Variants in PTPRE observed in about 807,000 individuals in gnomAD.
PTPRE encodes the protein protein tyrosine phosphatase receptor type E.
A neutral mutation model predicts 102.0 loss-of-function variants in PTPRE; 51 were observed. The observed-to-expected ratio is 0.50, with a 90% confidence interval of 0.40 to 0.63. The LOEUF (loss-of-function observed/expected upper bound fraction) is 0.63. PTPRE is among the 30% of genes least tolerant of loss of function. PTPRE has a pLI of 0.00. For synonymous variants in PTPRE, 345 were observed against 348.2 expected, an observed-to-expected ratio of 0.99 and a Z score of 0.10; for missense variants, 752 against 915.1, an observed-to-expected ratio of 0.82 and a Z score of 2.30.
intron 3 of PTPRE, among the ~76,000 whole-genome samples, chr10:128,046,861 C>T (rs137941697): frequency 1.6e-3 from 246 of 152,240 alleles, no homozygotes; most frequent in Middle Eastern, 6.8e-3. Context: ...GCTGGGCACT[C>T]GGCCTCTGAC....
At position 128,008,642 on chromosome 10, in the gene PTPRE, C is replaced by G. The variant is rs1363861160; in HGVS notation, c.-8+26346C>G. On this transcript the variant is annotated intron_variant, in intron 2 of 20. Transcript: ENST00000254667. This position sits in a 1 kb window ranked among gnomAD's most constrained non-coding sequence, Gnocchi z 4.0. ...CCGACACACCTGGTCTTTCTCAACT[C>G]CTGCAAGTCACGTCTTCCCAGAATC... Among the ~76,000 whole-genome samples the G allele has an allele frequency of 6.6e-6, 1 of 152,184 alleles. No homozygotes were observed. Among genetic ancestry groups the G allele is most frequent in the Non-Finnish European group, 1.5e-5 (1 of 68,044 alleles).
intron 9 of PTPRE, 36 bp from the exon 10 acceptor site, chr10:128,063,047 A>C: frequency 6.2e-7 from 1 of 1,612,944 alleles, no homozygotes; most frequent in Non-Finnish European, 8.5e-7. Context: ...ACTTCCCTTC[A>C]TGCCTTTTGA....
chr10:128,029,190 C>T (rs1300426157), intron 2 of PTPRE, among the ~76,000 whole-genome samples: 3 of 152,126 alleles, frequency 2.0e-5, no homozygotes, highest in Admixed American at 6.5e-5. Context: ...GGGCTCAGGG[C>T]CCCAGCTGGG....
intron 11 of PTPRE, among the ~76,000 whole-genome samples, chr10:128,067,094 G>A (rs1164939590): frequency 2.1e-5 from 3 of 145,988 alleles, no homozygotes; most frequent in African/African-American, 5.1e-5. Flanking sequence ...GCACACACAT[G>A]CACACACACG....
intron 12 of PTPRE, chr10:128,068,516 C>T (rs553946578): frequency 2.5e-6 from 1 of 397,148 alleles, no homozygotes; most frequent in African/African-American, 2.0e-5. Context: ...CCAGGAGGCT[C>T]CGGTTGATGG....
At chr10:128,021,309 A>T (rs914434747) in intron 2 of PTPRE, among the ~76,000 whole-genome samples, 1 of 152,194 alleles carries the variant, frequency 6.6e-6, no homozygotes. Context: ...GGTGCCACAC[A>T]GGCCTCTGAA....
At chr10:128,026,635 C>A (rs985215176) in intron 2 of PTPRE, among the ~76,000 whole-genome samples, 4 of 152,192 alleles carry the variant, frequency 2.6e-5, no homozygotes, top group Admixed American at 1.3e-4. Context: ...GACTTCTTTG[C>A]CAGTCTTTTA....
rs566623164 is a variant in PTPRE, at chr10:127,988,336, T to C, written c.-8+6040T>C. On this transcript the variant is annotated intron_variant, in intron 2 of 20. Coordinates refer to ENST00000254667, the MANE Select transcript of PTPRE (RefSeq NM_006504.6). ...TTTTTTTTTTTTTGAGACTGAATCT[T>C]GCTCTATCACTCAGGCTGGAGTTCG... Among the ~76,000 whole-genome samples the C allele has an allele frequency of 3.3e-5, 5 of 149,490 alleles. No homozygotes were observed. The East Asian group carries it at 7.9e-4, about 24-fold the overall frequency.
At chr10:127,937,068 A>G (rs1847894646) in intron 1 of PTPRE, among the ~76,000 whole-genome samples, 1 of 152,118 alleles carries the variant, frequency 6.6e-6, no homozygotes, top group African/African-American at 2.4e-5. Context: ...CTGCAGATCT[A>G]ACTCTGAGAT....
At chr10:128,023,313 G>A (rs1012456931) in intron 2 of PTPRE, among the ~76,000 whole-genome samples, 1 of 151,702 alleles carries the variant, frequency 6.6e-6, no homozygotes, top group South Asian at 2.1e-4. Context: ...ATAGGAAAAA[G>A]GATAGTATAT....
chr10:127,939,347 T>G (rs1393560655), intron 1 of PTPRE, among the ~76,000 whole-genome samples: 1 of 152,256 alleles, frequency 6.6e-6, no homozygotes, highest in Non-Finnish European at 1.5e-5. Flanking sequence ...CTTCCCATTC[T>G]GCTGTGGCAA....
intron 11 of PTPRE, among the ~76,000 whole-genome samples, chr10:128,067,209 C>T (rs55890359): frequency 0.091 from 12,782 of 139,706 alleles, 565 homozygotes; most frequent in East Asian, 0.15. Context: ...CATACACCCA[C>T]ACACATTCAC....
At chr10:127,956,267 G>T (rs1849396788) in intron 1 of PTPRE, among the ~76,000 whole-genome samples, 1 of 152,132 alleles carries the variant, frequency 6.6e-6, no homozygotes, top group South Asian at 2.1e-4. Context: ...GGTGTTGTCT[G>T]AGGGTATTTC....
intron 20 of PTPRE, among the ~76,000 whole-genome samples, chr10:128,082,195 C>CTTTTTTTTTTTTTTTTTTTTTT (rs35709074): frequency 1.1e-5 from 1 of 89,034 alleles, no homozygotes. Flanking sequence ...TTTTCTCTTT[C>CTTTTTTTTTTTTTTTTTTTTTT]TTTTTTTTTT....
At chr10:127,923,787 A>G (rs1259477366) in intron 1 of PTPRE, among the ~76,000 whole-genome samples, 1 of 152,172 alleles carries the variant, frequency 6.6e-6, no homozygotes, top group Non-Finnish European at 1.5e-5. Context: ...AACCACATGC[A>G]GTTTACTTCC....
At chr10:128,035,958 A>G (rs1271517081) in intron 2 of PTPRE, among the ~76,000 whole-genome samples, 1 of 152,150 alleles carries the variant, frequency 6.6e-6, no homozygotes, top group East Asian at 1.9e-4. Context: ...ATCACCTTAC[A>G]CAGGGCCAGA....
At chr10:128,024,838 T>G (rs1210361136) in intron 2 of PTPRE, among the ~76,000 whole-genome samples, 1 of 151,798 alleles carries the variant, frequency 6.6e-6, no homozygotes, top group Non-Finnish European at 1.5e-5. Context: ...AATCCACAGG[T>G]GTGCACTTGG....
intron 2 of PTPRE, among the ~76,000 whole-genome samples, chr10:128,017,070 A>G (rs1845494632): frequency 6.6e-6 from 1 of 152,088 alleles, no homozygotes; most frequent in Admixed American, 6.5e-5. Flanking sequence ...TGCGAGTCAG[A>G]CTGCAGAACT....
chr10:128,038,520 A>G (rs1199776261), intron 2 of PTPRE, among the ~76,000 whole-genome samples: 1 of 152,156 alleles, frequency 6.6e-6, no homozygotes, highest in African/African-American at 2.4e-5. Flanking sequence ...ACATGGATGA[A>G]GCTAGAAACC....
Sources: gnomAD v4.1 joint callset for allele counts (sites outside exome capture counted in the v4.1 genomes callset) on GRCh38, gnomAD v4.1.1 for gene constraint, Gnocchi (gnomAD v3.1) non-coding constraint, MANE v1.5 for transcripts, NCBI Gene and HGNC (gene_info 2026-07-23, HGNC 2026-07-21) for gene names.